Variants in ULK4 observed in about 807,000 individuals in gnomAD.
ULK4 encodes the protein unc-51 like kinase 4.
Under a neutral mutation model 160.6 loss-of-function variants are expected in ULK4, and 133 were observed. That is an observed-to-expected ratio of 0.83 (90% CI 0.72 to 0.96). The LOEUF is 0.96. Among genes scored for constraint, ULK4 ranks in the 40% least tolerant of loss-of-function variants. The pLI, the probability that ULK4 is intolerant of heterozygous loss-of-function variation, is 0.00. For missense variants in ULK4, 1,580 were observed against 1,499.5 expected (o/e 1.05, Z -0.89); for synonymous variants, 534 against 539.8 (o/e 0.99, Z 0.15).
chr3:41,773,719 G>T (rs191302495), intron 21 of ULK4, among the ~76,000 whole-genome samples: 2,284 of 152,000 alleles, frequency 0.015, 17 homozygotes, highest in Non-Finnish European at 0.023. Flanking sequence ...TGGAAAAAAC[G>T]ACTTTCAAGT....
intron 21 of ULK4, among the ~76,000 whole-genome samples, chr3:41,777,395 T>G (rs1424628516): frequency 5.2e-5 from 1 of 19,382 alleles, no homozygotes. Context: ...ATTGATTTTT[T>G]GAAGGGTTTT....
At position 41,317,496 on chromosome 3, in the gene ULK4, C is replaced by T. The variant is rs148267506; in HGVS notation, c.3679-67922G>A. On this transcript the variant is annotated intron_variant, in intron 35 of 36. Coordinates refer to ENST00000301831, the MANE Select transcript of ULK4 (RefSeq NM_017886.4). ...TTATTGATAATGATATTATTGATAA[C>T]GATTGATAATGATTATTGATAATGA... Among the ~76,000 whole-genome samples, 493 of 152,090 alleles carry T rather than the reference C, an allele frequency of 3.2e-3. 4 individuals are homozygous for T. Among genetic ancestry groups the T allele is most frequent in the African/African-American group, 0.011 (462 of 41,478 alleles).
At chr3:41,463,326 A>T (rs1575257608) in intron 32 of ULK4, 73 bp from the exon 33 acceptor site, 3 of 1,458,436 alleles carry the variant, frequency 2.1e-6, no homozygotes, top group African/African-American at 2.8e-5. Context: ...CCAAAAAGAG[A>T]GGCATTCTGG....
chr3:41,390,038 C>G (rs536456352), intron 35 of ULK4, among the ~76,000 whole-genome samples: 1 of 152,256 alleles, frequency 6.6e-6, no homozygotes, highest in African/African-American at 2.4e-5. Context: ...TAATTATTGC[C>G]TAAATTTCAG....
At chr3:41,831,531 A>ATATATATATATATATATTTT in intron 18 of ULK4, among the ~76,000 whole-genome samples, 3 of 138,124 alleles carry the variant, frequency 2.2e-5, no homozygotes, top group South Asian at 2.3e-4. Flanking sequence ...ATATATATAT[A>ATATATATATATATATATTTT]TTTTTTTTTC....
chr3:41,818,256 T>C (rs1210942838), intron 19 of ULK4, among the ~76,000 whole-genome samples: 1 of 152,190 alleles, frequency 6.6e-6, no homozygotes, highest in African/African-American at 2.4e-5. Context: ...ATCACAGCAC[T>C]ATTCACAATA....
Position 41,820,270 on chromosome 3 carries a change from T to C in ULK4, c.1765-764A>G, listed in dbSNP as rs560758629. Among the ~76,000 whole-genome samples, 62 of 152,292 alleles carry C rather than the reference T, an allele frequency of 4.1e-4. 1 individual carries two copies. Among genetic ancestry groups the C allele is most frequent in the Admixed American group, 1.8e-3 (27 of 15,300 alleles). On this transcript the variant is annotated intron_variant, in intron 18 of 36. Transcript: ENST00000301831. ...ATAGTTTGGAGATATCTCAAAGAACTAAAAACAGAACTACCATTTGAACCA... is the reference window on the plus strand; with the variant it reads ...ATAGTTTGGAGATATCTCAAAGAACCAAAAACAGAACTACCATTTGAACCA...
chr3:41,806,986 C>T (rs1287674074), intron 19 of ULK4, among the ~76,000 whole-genome samples: 1 of 151,864 alleles, frequency 6.6e-6, no homozygotes, highest in Non-Finnish European at 1.5e-5. Context: ...CTTGTCTCTA[C>T]CAAGCATGGT....
intron 33 of ULK4, among the ~76,000 whole-genome samples, chr3:41,458,334 C>T (rs753594511): frequency 6.6e-6 from 1 of 152,066 alleles, no homozygotes; most frequent in Non-Finnish European, 1.5e-5. Flanking sequence ...CTTTACATTG[C>T]GAACGTGCAA....
chr3:41,394,168 T>C (rs2082009524), intron 35 of ULK4, among the ~76,000 whole-genome samples: 1 of 152,052 alleles, frequency 6.6e-6, no homozygotes, highest in African/African-American at 2.4e-5. Flanking sequence ...ACCGACCACA[T>C]TACTACCCAG....
At chr3:41,628,876 A>T (rs756533865) in intron 30 of ULK4, among the ~76,000 whole-genome samples, 11 of 152,162 alleles carry the variant, frequency 7.2e-5, no homozygotes, top group Non-Finnish European at 1.5e-4. Context: ...TGAAAGTTTA[A>T]AAGTTTTTTA....
chr3:41,861,109 T>C (rs2042488877), intron 17 of ULK4, among the ~76,000 whole-genome samples: 1 of 146,536 alleles, frequency 6.8e-6, no homozygotes, highest in Admixed American at 6.7e-5. Flanking sequence ...ACTGACCATC[T>C]TGAAAAATTG....
intron 30 of ULK4, among the ~76,000 whole-genome samples, chr3:41,633,535 T>C (rs920147667): frequency 1.3e-5 from 2 of 152,262 alleles, no homozygotes; most frequent in Non-Finnish European, 2.9e-5. Context: ...TCTAGGTGGC[T>C]GGGTGCCATT....
intron 29 of ULK4, among the ~76,000 whole-genome samples, chr3:41,668,477 C>T (rs1044128141): frequency 1.3e-5 from 2 of 152,160 alleles, no homozygotes; most frequent in African/African-American, 2.4e-5. Context: ...GTATTCAGTG[C>T]AGTAACATGC....
chr3:41,249,075 G>A (rs1038957678), intron 36 of ULK4, among the ~76,000 whole-genome samples: 4 of 152,172 alleles, frequency 2.6e-5, no homozygotes, highest in African/African-American at 9.7e-5. Flanking sequence ...TGGGCCTTGA[G>A]TCCTCCACAA....
intron 17 of ULK4, among the ~76,000 whole-genome samples, chr3:41,862,904 C>T (rs1031079062): frequency 6.6e-6 from 1 of 151,724 alleles, no homozygotes; most frequent in Non-Finnish European, 1.5e-5. Flanking sequence ...AGCACTGGGT[C>T]AGACCTGAGA....
At chr3:41,633,036 G>A (rs544156765) in intron 30 of ULK4, among the ~76,000 whole-genome samples, 3 of 152,210 alleles carry the variant, frequency 2.0e-5, no homozygotes, top group Non-Finnish European at 4.4e-5. Flanking sequence ...GTCCATTAAA[G>A]GCAGTGAAAG....
intron 20 of ULK4, among the ~76,000 whole-genome samples, chr3:41,798,678 T>G (rs1388147374): frequency 6.6e-6 from 1 of 151,794 alleles, no homozygotes; most frequent in Non-Finnish European, 1.5e-5. Flanking sequence ...GAGCAACAGT[T>G]ATGTGGCAAT....
intron 31 of ULK4, among the ~76,000 whole-genome samples, chr3:41,582,590 A>C (rs948584862): frequency 6.6e-6 from 1 of 152,170 alleles, no homozygotes; most frequent in African/African-American, 2.4e-5. Flanking sequence ...GGAGGCCTTC[A>C]TCACCTTGCT....
Sources: gnomAD v4.1 joint callset for allele counts (sites outside exome capture counted in the v4.1 genomes callset) on GRCh38, gnomAD v4.1.1 for gene constraint, MANE v1.5 for transcripts, NCBI Gene and HGNC (gene_info 2026-07-23, HGNC 2026-07-21) for gene names.